Variants in EHBP1 observed in about 807,000 individuals in gnomAD.
EHBP1 encodes the protein EH domain-binding protein 1.
In EHBP1, 55 loss-of-function variants were observed where a neutral mutation model predicts 144.0. That is an observed-to-expected ratio of 0.38 (90% confidence interval 0.31 to 0.48). The LOEUF (loss-of-function observed/expected upper bound fraction) is 0.48, where lower values mean the gene tolerates loss of function less well. Ranked by LOEUF, EHBP1 falls within the 20% of genes least tolerant of loss-of-function variation. The pLI is 0.98. For missense variants in EHBP1, 1,200 were observed against 1,364.2 expected (o/e 0.88, Z 1.90); for synonymous variants, 469 against 472.7 (o/e 0.99, Z 0.10).
chr2:62,674,879 T>C (rs1038573), intron 1 of EHBP1, among the ~76,000 whole-genome samples: 126,988 of 151,878 alleles, frequency 0.84, 53,372 homozygotes, highest in African/African-American at 0.91. Context: ...GATTCTCCTG[T>C]CTCGGTCTCC....
intron 5 of EHBP1, among the ~76,000 whole-genome samples, chr2:62,817,984 A>G (rs1349588767): frequency 6.6e-6 from 1 of 152,026 alleles, no homozygotes; most frequent in East Asian, 2.0e-4. Context: ...AAGTGATTTT[A>G]CATAAAAATG....
At chr2:62,967,487 T>C (rs911606271) in intron 14 of EHBP1, among the ~76,000 whole-genome samples, 2 of 152,194 alleles carry the variant, frequency 1.3e-5, no homozygotes, top group African/African-American at 4.8e-5. Flanking sequence ...TCCTAGACGA[T>C]TGGTATTTTC....
intron 19 of EHBP1, among the ~76,000 whole-genome samples, chr2:62,998,369 T>C (rs2059723012): frequency 6.6e-6 from 1 of 152,238 alleles, no homozygotes; most frequent in Non-Finnish European, 1.5e-5. Context: ...CTATGTTAGC[T>C]ATATTAAACA....
chr2:62,860,206 A>G (rs930749242), intron 8 of EHBP1, among the ~76,000 whole-genome samples: 13 of 152,194 alleles, frequency 8.5e-5, no homozygotes, highest in South Asian at 2.1e-4. Flanking sequence ...AAAGGTTACA[A>G]TAGCTGGGCA....
At position 62,819,991 on chromosome 2, in the gene EHBP1, A is replaced by T. The variant is rs559416813; in HGVS notation, c.313-6096A>T. On this transcript the variant is annotated intron_variant, in intron 5 of 22. Coordinates refer to ENST00000431489, the MANE Select transcript of EHBP1 (RefSeq NM_001142616.3). ...TTTGGGAGGCCGAAGCGGGCAGATC[A>T]CCTGAGGTCAGGAGTTTGAGACCAG... 3.3e-5 allele frequency among the ~76,000 whole-genome samples: 5 copies of T among 150,576 alleles called. No individual in the cohort carries two copies. The East Asian group carries it at 1.0e-3, about 31-fold the overall frequency.
At chr2:63,020,035 G>A (rs999923719) in intron 19 of EHBP1, among the ~76,000 whole-genome samples, 3 of 151,138 alleles carry the variant, frequency 2.0e-5, no homozygotes, top group Non-Finnish European at 3.0e-5. Context: ...CTAAAAGTAC[G>A]AAAATTAAGG....
At chr2:62,963,436 C>G (rs1014797653) in intron 14 of EHBP1, among the ~76,000 whole-genome samples, 1 of 152,092 alleles carries the variant, frequency 6.6e-6, no homozygotes, top group South Asian at 2.1e-4. Context: ...TTTTGATAAT[C>G]TCTAATAGTA....
intron 17 of EHBP1, 79 bp downstream of exon 17, chr2:62,993,747 TATATATATATAGC>T: frequency 1.5e-6 from 1 of 677,308 alleles, no homozygotes; most frequent in African/African-American, 1.9e-5. Context: ...ATATATATAG[TATATATATATAGC>T]ATATATATAT....
chr2:62,850,012 G>T (rs759554022), intron 7 of EHBP1, among the ~76,000 whole-genome samples: 2 of 152,106 alleles, frequency 1.3e-5, no homozygotes, highest in Non-Finnish European at 2.9e-5. Context: ...CCTATGATGG[G>T]ATCCTAGGCA....
chr2:63,029,771 G>A (rs559738161), intron 19 of EHBP1, among the ~76,000 whole-genome samples: 28 of 152,022 alleles, frequency 1.8e-4, no homozygotes, highest in Admixed American at 4.6e-4. Context: ...TTGCTCTGTC[G>A]TCCAGGCTAG....
At chr2:62,993,385 A>G in intron 16 of EHBP1, 145 bp from the exon 17 acceptor site, 1 of 570,920 alleles carries the variant, frequency 1.8e-6, no homozygotes, top group Non-Finnish European at 2.7e-6. Context: ...CTTGCAGTTG[A>G]GCTCTTTAAA....
intron 5 of EHBP1, among the ~76,000 whole-genome samples, chr2:62,790,739 T>G (rs2043117543): frequency 6.6e-6 from 1 of 152,140 alleles, no homozygotes; most frequent in African/African-American, 2.4e-5. Context: ...TGCAGACAAG[T>G]TGACTATTTC....
At chr2:62,822,120 T>C (rs2152571962) in intron 5 of EHBP1, among the ~76,000 whole-genome samples, 1 of 152,358 alleles carries the variant, frequency 6.6e-6, no homozygotes, top group East Asian at 1.9e-4. Context: ...AAAATATTTA[T>C]AAAGAAGTCC....
intron 18 of EHBP1, among the ~76,000 whole-genome samples, chr2:62,995,881 T>C (rs1444039490): frequency 2.0e-5 from 3 of 152,088 alleles, no homozygotes; most frequent in Non-Finnish European, 2.9e-5. Flanking sequence ...TAAACATGGA[T>C]GGTTCAAAAA....
chr2:62,826,066 T>G, intron 5 of EHBP1, 21 bp from the exon 6 acceptor site: 1 of 1,434,796 alleles, frequency 7.0e-7, no homozygotes, highest in Non-Finnish European at 9.2e-7. Flanking sequence ...TTACATACTT[T>G]TTTTTTCTTT....
intron 2 of EHBP1, among the ~76,000 whole-genome samples, chr2:62,732,781 C>G (rs1241654117): frequency 6.6e-6 from 1 of 152,250 alleles, no homozygotes; most frequent in Admixed American, 6.5e-5. Context: ...TAATTCAATA[C>G]TTTTTGTAAT....
intron 10 of EHBP1, among the ~76,000 whole-genome samples, chr2:62,878,574 A>G (rs948153361): frequency 2.7e-4 from 41 of 152,216 alleles, no homozygotes; most frequent in African/African-American, 9.7e-4. Flanking sequence ...TTAACAAAAT[A>G]CTAGAAAACT....
chr2:62,840,985 A>G (rs1444403668), intron 7 of EHBP1, among the ~76,000 whole-genome samples: 1 of 152,194 alleles, frequency 6.6e-6, no homozygotes, highest in Non-Finnish European at 1.5e-5. Flanking sequence ...CCATCCCATT[A>G]CTGGGTATAT....
At chr2:63,012,618 G>A (rs141575180) in intron 19 of EHBP1, among the ~76,000 whole-genome samples, 330 of 152,140 alleles carry the variant, frequency 2.2e-3, no homozygotes, top group African/African-American at 7.7e-3. Context: ...TAGAAGTCTC[G>A]TAAAATTTTG....
Sources: gnomAD v4.1 joint callset for allele counts (sites outside exome capture counted in the v4.1 genomes callset) on GRCh38, gnomAD v4.1.1 for gene constraint, MANE v1.5 for transcripts, NCBI Gene and HGNC (gene_info 2026-07-23, HGNC 2026-07-21) for gene names.